Variants in TTLL9 observed in about 807,000 individuals in gnomAD.
TTLL9 encodes tubulin tyrosine ligase like 9.
In TTLL9, 47 loss-of-function variants were observed where a neutral mutation model predicts 65.6. The observed-to-expected ratio is 0.72, with a 90% CI of 0.57 to 0.91. The LOEUF is 0.91. Among genes scored for constraint, TTLL9 ranks in the 40% least tolerant of loss-of-function variants. The probability of loss-of-function intolerance (pLI) is 0.00; values close to 1 mark genes in which losing one functional copy is unlikely to be tolerated. For missense variants in TTLL9, 537 were observed against 568.8 expected (o/e 0.94, Z 0.57); for synonymous variants, 179 against 204.8 (o/e 0.87, Z 1.07).
chr20:31,943,533 T>C lies in TTLL9; in HGVS notation c.*512T>C, dbSNP rs939868984. On this transcript the variant is annotated 3_prime_UTR_variant, in exon 15 of 15. Transcript: ENST00000535842. ...GCTGTGCTTACACAGCAAGCAGTTA[T>C]TAGATTGTGTGTTTATTGGGGGCCT... The C allele has an allele frequency of 4.1e-5, 14 of 343,748 alleles. No homozygotes were observed. The highest frequency in any genetic ancestry group is 8.1e-5 in the Non-Finnish European group (14 of 173,414). 21.3% of individuals were successfully genotyped at this position (343,748 alleles called of 1,614,324 possible).
intron 2 of TTLL9, 93 bp from the exon 3 acceptor site, chr20:31,887,103 G>C: frequency 7.5e-7 from 1 of 1,328,044 alleles, no homozygotes; most frequent in East Asian, 2.3e-5. Context: ...TGAGTCTGAC[G>C]GTTTGGGCAT....
At chr20:31,915,995 G>C (rs997740835) in intron 6 of TTLL9, among the ~76,000 whole-genome samples, 6 of 152,182 alleles carry the variant, frequency 3.9e-5, no homozygotes, top group African/African-American at 1.2e-4. Context: ...GACAAGGAAG[G>C]CTGCTCCAGC....
At position 31,909,779 on chromosome 20, in the gene TTLL9, C is replaced by G. The variant is rs371713985; in HGVS notation, c.361C>G (p.Arg121Gly). 6.2e-7 allele frequency: 1 copy of G among 1,614,100 alleles called. No homozygotes were observed. Among genetic ancestry groups the G allele is most frequent in the Non-Finnish European group, 8.5e-7 (1 of 1,180,016 alleles). ...NYMVKNLKRF[R>G]KQLEREAGKL... is the part of the protein sequence containing the mutation. Reference sequence around the variant, plus strand: ...CATGGTGAAGAACCTGAAGCGGTTCCGGAAGCAGCTGGAGCGTGAGGCAGG... The same window carrying G: ...CATGGTGAAGAACCTGAAGCGGTTCGGGAAGCAGCTGGAGCGTGAGGCAGG... Residue 121 changes from arginine (R) to glycine (G), a missense_variant, in exon 6 of 15, where the codon CGG (arginine) becomes GGG (glycine). Around this residue, in one of 3 missense-constraint regions of TTLL9, gnomAD observed 320 missense variants for 311.0 expected, o/e 1.03. Transcript: ENST00000535842.
intron 2 of TTLL9, among the ~76,000 whole-genome samples, chr20:31,880,496 C>CTT (rs781656694): frequency 4.2e-5 from 6 of 142,972 alleles, no homozygotes; most frequent in South Asian, 2.2e-4. Flanking sequence ...CCCCAACCGA[C>CTT]TTTTTTTTTT....
intron 10 of TTLL9, 118 bp downstream of exon 10, chr20:31,926,209 G>A (rs2063904273): frequency 4.2e-6 from 3 of 714,450 alleles, no homozygotes; most frequent in Non-Finnish European, 7.6e-6. Flanking sequence ...CCTGATGATA[G>A]TTTTGGTGCT....
intron 4 of TTLL9, among the ~76,000 whole-genome samples, chr20:31,904,350 CTTTTTTT>C (rs71185374): frequency 1.0e-3 from 82 of 81,764 alleles, no homozygotes; most frequent in Admixed American, 2.8e-3. Context: ...TTTGATAATT[CTTTTTTT>C]TTTTTTTTTT....
intron 7 of TTLL9, among the ~76,000 whole-genome samples, chr20:31,921,892 C>T (rs1312087170): frequency 6.6e-6 from 1 of 152,086 alleles, no homozygotes; most frequent in Non-Finnish European, 1.5e-5. Context: ...TTAATGGGTG[C>T]AGCACACCAA....
chr20:31,880,882 TCTTA>T (rs1339250263), intron 2 of TTLL9, among the ~76,000 whole-genome samples: 5 of 123,572 alleles, frequency 4.0e-5, no homozygotes, highest in Non-Finnish European at 6.5e-5. Flanking sequence ...TGAGACAAGG[TCTTA>T]CTTGGTTGCT....
chr20:31,883,441 C>T (rs2063145946), intron 2 of TTLL9, among the ~76,000 whole-genome samples: 1 of 152,156 alleles, frequency 6.6e-6, no homozygotes, highest in South Asian at 2.1e-4. Context: ...TGTGATCCAC[C>T]TGCCTCAGTC....
At chr20:31,926,282 C>T (rs1164265719) in intron 10 of TTLL9, among the ~76,000 whole-genome samples, 191 bp downstream of exon 10, 3 of 152,200 alleles carry the variant, frequency 2.0e-5, no homozygotes, top group Admixed American at 1.3e-4. Context: ...CTTTGGAGAA[C>T]ATTTGCATCC....
At chr20:31,942,424 G>A (rs1026855524) in intron 14 of TTLL9, among the ~76,000 whole-genome samples, 17 of 152,188 alleles carry the variant, frequency 1.1e-4, no homozygotes, top group Non-Finnish European at 2.4e-4. Context: ...TGGCACATGG[G>A]TTGGGTAAGG....
In TTLL9 at chr20:31,942,948, G is replaced by C. The variant is rs763761297; in HGVS notation, c.1247G>C (p.Cys416Ser). ...GNFVTNTHLG[C>S]VNDRKKQLRQ... ...CAACACCCCACTTCCTTTCCAGGCT[G>C]CGTCAACGATCGGAAGAAACAACTG... Residue 416 changes from cysteine to serine, a missense_variant, in exon 15 of 15, where the codon TGC (cysteine) becomes TCC (serine). Coordinates refer to ENST00000535842, the MANE Select transcript of TTLL9 (RefSeq NM_001008409.5). The C allele has an allele frequency of 6.2e-7, 1 of 1,614,126 alleles. No homozygotes were observed. Among genetic ancestry groups the C allele is most frequent in the South Asian group, 1.1e-5 (1 of 91,086 alleles).
In TTLL9 at chr20:31,942,959, C is replaced by T. The variant is rs780729556; in HGVS notation, c.1258C>T (p.Arg420Trp). ...TTCCTTTCCAGGCTGCGTCAACGAT[C>T]GGAAGAAACAACTGAGGCAGCTCTT... ...TNTHLGCVNDRKKQLRQLFCS... is the reference protein window; with the variant it reads ...TNTHLGCVNDWKKQLRQLFCS... The change falls in exon 15 of 15, where the codon CGG (arginine) becomes TGG (tryptophan). Residue 420 changes from arginine (R) to tryptophan (W), a missense_variant. Around this residue, in one of 3 missense-constraint regions of TTLL9, gnomAD observed 205 missense variants for 225.9 expected, o/e 0.91. Coordinates refer to ENST00000535842, the MANE Select transcript of TTLL9 (RefSeq NM_001008409.5). 1.5e-5 allele frequency: 24 copies of T among 1,614,014 alleles called. No homozygotes were observed. The highest frequency in any genetic ancestry group is 7.7e-5 in the South Asian group (7 of 91,080).
chr20:31,931,220 C>T (rs1321609029), intron 10 of TTLL9, among the ~76,000 whole-genome samples: 3 of 151,874 alleles, frequency 2.0e-5, no homozygotes, highest in African/African-American at 7.3e-5. Flanking sequence ...GCTGGGACCA[C>T]AGGCACGCAC....
chr20:31,928,268 CA>C (rs941349671), intron 10 of TTLL9, among the ~76,000 whole-genome samples: 2 of 152,166 alleles, frequency 1.3e-5, no homozygotes, highest in African/African-American at 4.8e-5. Context: ...TGAGTAAATA[CA>C]CATTTTCCAC....
intron 6 of TTLL9, 33 bp from the exon 7 acceptor site, chr20:31,919,831 A>G (rs1377481350): frequency 2.6e-6 from 4 of 1,562,716 alleles, no homozygotes; most frequent in African/African-American, 1.4e-5. Flanking sequence ...ACGCAGAGCT[A>G]AGAGCTGGCT....
intron 6 of TTLL9, among the ~76,000 whole-genome samples, chr20:31,912,603 ATGTGTGTGTGTGTG>A (rs61107814): frequency 0.068 from 9,612 of 141,080 alleles, 385 homozygotes; most frequent in Non-Finnish European, 0.089. Flanking sequence ...GTGTATGTGT[ATGTGTGTGTGTGTG>A]TGTGTGTGTG....
intron 2 of TTLL9, 39 bp from the exon 3 acceptor site, chr20:31,887,157 T>C: frequency 1.9e-6 from 3 of 1,610,596 alleles, no homozygotes; most frequent in African/African-American, 1.3e-5. Flanking sequence ...AGGGCAGATA[T>C]ACAAAACCAG....
At chr20:31,889,978 CTTTCTTTCTTTCTTTCTTTCTT>C (rs2063265113) in intron 3 of TTLL9, among the ~76,000 whole-genome samples, 1 of 60,820 alleles carries the variant, frequency 1.6e-5, no homozygotes, top group African/African-American at 9.6e-5. Context: ...CTCTCTCTTT[CTTTCTTTCTTTCTTTCTTTCTT>C]TCTTTCTTTC....
Sources: gnomAD v4.1 joint callset for allele counts (sites outside exome capture counted in the v4.1 genomes callset) on GRCh38, gnomAD v4.1.1 for gene constraint, gnomAD v4.1.1 regional missense constraint, MANE v1.5 for transcripts, NCBI Gene and HGNC (gene_info 2026-07-23, HGNC 2026-07-21) for gene names.